The following PGM5 variants were observed in gnomAD, a reference collection of about 807,000 sequenced individuals.
The protein encoded by PGM5 is phosphoglucomutase-like protein 5.
In PGM5, 23 loss-of-function variants were observed where a neutral mutation model predicts 59.2. That is an observed-to-expected ratio of 0.39 (90% CI 0.28 to 0.55). The LOEUF (loss-of-function observed/expected upper bound fraction) is 0.55, where lower values mean the gene tolerates loss of function less well. Among genes scored for constraint, PGM5 ranks in the 20% least tolerant of loss-of-function variants. The pLI is 0.66. For synonymous variants in PGM5, 214 were observed against 286.0 expected (o/e 0.75, Z 2.54); for missense variants, 574 against 748.3 (o/e 0.77, Z 2.72).
intron 6 of PGM5, among the ~76,000 whole-genome samples, chr9:68,434,797 A>G (rs1239151939): frequency 1.3e-5 from 2 of 152,186 alleles, no homozygotes; most frequent in Non-Finnish European, 2.9e-5. Context: ...CAAAAAAAAA[A>G]AAATGGTGAT....
intron 6 of PGM5, among the ~76,000 whole-genome samples, chr9:68,436,236 G>A (rs1199513511): frequency 3.3e-5 from 5 of 152,188 alleles, no homozygotes; most frequent in African/African-American, 1.2e-4. Flanking sequence ...TTGAGGTACA[G>A]CAAAAAGCTC....
intron 6 of PGM5, among the ~76,000 whole-genome samples, chr9:68,410,409 T>C (rs1406827917): frequency 6.6e-6 from 1 of 152,168 alleles, no homozygotes; most frequent in Non-Finnish European, 1.5e-5. Context: ...GATGATGTCC[T>C]AAACATTCAG....
chr9:68,372,603 C>A (rs389016), intron 1 of PGM5, among the ~76,000 whole-genome samples: 8 of 150,892 alleles, frequency 5.3e-5, no homozygotes, highest in African/African-American at 2.4e-5. Flanking sequence ...ATAGCCTTCA[C>A]CCCTGCCATC....
intron 7 of PGM5, chr9:68,466,136 TC>T (rs1469505101): frequency 6.9e-6 from 9 of 1,297,470 alleles, no homozygotes; most frequent in Admixed American, 2.4e-5. Context: ...GATTTATTTC[TC>T]CCCTTTTTTC....
At chr9:68,381,061 G>A (rs1259208885) in intron 2 of PGM5, among the ~76,000 whole-genome samples, 3 of 151,810 alleles carry the variant, frequency 2.0e-5, no homozygotes, top group Non-Finnish European at 2.9e-5. Flanking sequence ...GAGCTACAGG[G>A]AATACTTCCA....
At chr9:68,511,562 T>TTTTTC (rs1554689359) in intron 10 of PGM5, among the ~76,000 whole-genome samples, 1 of 126,448 alleles carries the variant, frequency 7.9e-6, no homozygotes, top group Non-Finnish European at 1.7e-5. Context: ...TTTTTTTTTT[T>TTTTTC]TTTTTTTTAG....
At chr9:68,461,713 T>C (rs1336292446) in intron 6 of PGM5, among the ~76,000 whole-genome samples, 1 of 152,060 alleles carries the variant, frequency 6.6e-6, no homozygotes. Flanking sequence ...GATCTCAGAC[T>C]TCCTAACCTC....
intron 7 of PGM5, among the ~76,000 whole-genome samples, chr9:68,469,809 T>A (rs2132082542): frequency 6.6e-6 from 1 of 152,294 alleles, no homozygotes; most frequent in South Asian, 2.1e-4. Context: ...GTTGGAAAGA[T>A]GAAAGGAAGA....
At chr9:68,376,533 C>T (rs1346460649) in intron 1 of PGM5, among the ~76,000 whole-genome samples, 3 of 141,892 alleles carry the variant, frequency 2.1e-5, no homozygotes, top group Non-Finnish European at 4.6e-5. Context: ...GTTTTGATCT[C>T]TTCTGTATCT....
chr9:68,503,712 C>T (rs1554688823), intron 10 of PGM5, among the ~76,000 whole-genome samples: 1 of 152,180 alleles, frequency 6.6e-6, no homozygotes, highest in African/African-American at 2.4e-5. Flanking sequence ...AGGGAACATA[C>T]AGAAATGAGA....
At chr9:68,493,615 A>C (rs1554688016) in intron 9 of PGM5, among the ~76,000 whole-genome samples, 1 of 152,172 alleles carries the variant, frequency 6.6e-6, no homozygotes, top group East Asian at 1.9e-4. Context: ...AAGATCTGAC[A>C]CTCACAACAA....
chr9:68,380,086 ATACTT>A (rs1822028908), intron 2 of PGM5, among the ~76,000 whole-genome samples: 1 of 151,794 alleles, frequency 6.6e-6, no homozygotes, highest in Non-Finnish European at 1.5e-5. Context: ...AATTTGAACT[ATACTT>A]CAGACCAAAT....
intron 6 of PGM5, among the ~76,000 whole-genome samples, chr9:68,461,115 G>T (rs1297797110): frequency 6.6e-6 from 1 of 152,044 alleles, no homozygotes; most frequent in Non-Finnish European, 1.5e-5. Context: ...AAAAACAGGT[G>T]TTCCTGATTC....
chr9:68,384,449 T>C lies in PGM5; in HGVS notation c.476T>C (p.Ile159Thr), dbSNP rs1554678659. The change falls in exon 3 of 11, where the codon ATT becomes ACT. Residue 159 changes from isoleucine to threonine, a missense_variant. Ile to Thr is a moderately conservative substitution (Grantham distance 89). This residue lies in a region of PGM5 where 103 missense variants were observed against 112.4 expected (regional missense o/e 0.92). Transcript: ENST00000396396. ...AAAATCTACCAAATCAGCAAAACGA[T>C]TGAGGAATATGCTATATGTCCTGAT... is the stretch of plus-strand genomic sequence containing the variant. ...SDKIYQISKT[I>T]EEYAICPDLR... 1.2e-6 allele frequency: 2 copies of C among 1,605,090 alleles called. No homozygotes were observed. The highest frequency in any genetic ancestry group is 1.7e-5 in the Admixed American group (1 of 59,868).
intron 10 of PGM5, among the ~76,000 whole-genome samples, chr9:68,524,906 C>A (rs1824949496): frequency 1.3e-5 from 2 of 152,192 alleles, no homozygotes; most frequent in South Asian, 4.1e-4. Flanking sequence ...TCGCACTGGG[C>A]TTTAGTGTCT....
chr9:68,518,846 G>A (rs1384975398), intron 10 of PGM5, among the ~76,000 whole-genome samples: 1 of 152,186 alleles, frequency 6.6e-6, no homozygotes, highest in East Asian at 1.9e-4. Context: ...TCTCAAAAGA[G>A]GAGACAGAAA....
chr9:68,395,043 A>C (rs1236049860), intron 6 of PGM5, among the ~76,000 whole-genome samples: 2 of 152,146 alleles, frequency 1.3e-5, no homozygotes, highest in African/African-American at 4.8e-5. Context: ...TGTCAACTAC[A>C]AGAAATTTTT....
chr9:68,444,386 T>C (rs782436974), intron 6 of PGM5, among the ~76,000 whole-genome samples: 8 of 152,174 alleles, frequency 5.3e-5, no homozygotes, highest in Non-Finnish European at 1.2e-4. Flanking sequence ...AGTAGAATTA[T>C]TGGGGTGCTA....
At chr9:68,361,522 C>G (rs1406222420) in intron 1 of PGM5, among the ~76,000 whole-genome samples, 5 of 152,254 alleles carry the variant, frequency 3.3e-5, no homozygotes, top group Admixed American at 3.3e-4. Context: ...TCTCACAGTT[C>G]TAGAGACTAG....
Sources: gnomAD v4.1 joint callset for allele counts (sites outside exome capture counted in the v4.1 genomes callset) on GRCh38, gnomAD v4.1.1 for gene constraint, gnomAD v4.1.1 regional missense constraint, MANE v1.5 for transcripts, NCBI Gene and HGNC (gene_info 2026-07-23, HGNC 2026-07-21) for gene names.